ACTR3B: variants seen among roughly 807,000 people sequenced by gnomAD.
The protein encoded by ACTR3B is actin-related protein 3B.
ACTR3B carries 8 observed loss-of-function variants against 59.0 expected under a neutral mutation model. That is an observed-to-expected ratio of 0.14 (90% confidence interval 0.08 to 0.24). The LOEUF is 0.24. ACTR3B is among the 10% of genes least tolerant of loss of function. ACTR3B has a pLI of 1.00. For missense variants in ACTR3B, 245 were observed against 552.3 expected, an observed-to-expected ratio of 0.44 and a Z score of 5.58; for synonymous variants, 148 against 197.9, an observed-to-expected ratio of 0.75 and a Z score of 2.12.
At chr7:152,821,548 T>C (rs1320227121) in intron 7 of ACTR3B, among the ~76,000 whole-genome samples, 1 of 152,140 alleles carries the variant, frequency 6.6e-6, no homozygotes, top group Admixed American at 6.5e-5. Context: ...CCTCCCTATT[T>C]CCGCCAGGAT....
At chr7:152,818,952 T>G (rs1795933270) in intron 6 of ACTR3B, among the ~76,000 whole-genome samples, 1 of 152,246 alleles carries the variant, frequency 6.6e-6, no homozygotes, top group Non-Finnish European at 1.5e-5. Context: ...ACATAATTTA[T>G]TTTTCTGTTG....
intron 4 of ACTR3B, among the ~76,000 whole-genome samples, chr7:152,809,617 C>T (rs2098263374): frequency 6.6e-6 from 1 of 151,896 alleles, no homozygotes; most frequent in African/African-American, 2.4e-5. Flanking sequence ...TCTCAGCTCA[C>T]CGCAACCTCC....
chr7:152,822,510 A>G (rs1207938847), intron 7 of ACTR3B, among the ~76,000 whole-genome samples: 1 of 152,172 alleles, frequency 6.6e-6, no homozygotes, highest in Admixed American at 6.5e-5. Context: ...CTTCTCTCGC[A>G]GCAGCAGCAG....
rs1385625482 is a variant in ACTR3B at position 152,824,501 on chromosome 7, G to A, written c.859-529G>A. On this transcript the variant is annotated intron_variant, in intron 8 of 11. Coordinates refer to ENST00000256001, the MANE Select transcript of ACTR3B (RefSeq NM_020445.6). This position sits in a 1 kb window ranked among gnomAD's most constrained non-coding sequence, Gnocchi z 4.2. Reference sequence around the variant, plus strand: ...ATTTAACTTATGGAATTGAATCTATGGCTGTTTATTCAATAACATGATTAT... The same window carrying A: ...ATTTAACTTATGGAATTGAATCTATAGCTGTTTATTCAATAACATGATTAT... 6.6e-6 allele frequency among the ~76,000 whole-genome samples: 1 copy of A among 152,072 alleles called. No homozygotes were observed. Among genetic ancestry groups the A allele is most frequent in the African/African-American group, 2.4e-5 (1 of 41,418 alleles).
In ACTR3B at chr7:152,854,573, T is replaced by C; in HGVS notation, c.*20T>C. On this transcript the variant is annotated 3_prime_UTR_variant, in exon 12 of 12. Coordinates refer to ENST00000256001, the MANE Select transcript of ACTR3B (RefSeq NM_020445.6). The surrounding 1 kb of genome is among the most constrained non-coding windows in gnomAD (Gnocchi z 4.9). ...TCCTAGTGTCTGCCTGAACGCGTCGTTCGATGGTGTCACGTTGGGGAACAA... is the reference window on the plus strand; with the variant it reads ...TCCTAGTGTCTGCCTGAACGCGTCGCTCGATGGTGTCACGTTGGGGAACAA... 1 of 1,609,880 alleles carries C rather than the reference T, an allele frequency of 6.2e-7. No individual in the cohort carries two copies. Among genetic ancestry groups the C allele is most frequent in the Non-Finnish European group, 8.5e-7 (1 of 1,176,616 alleles).
rs1799090769 is a variant in ACTR3B, at chr7:152,854,397, C to G, written c.1162-61C>G. On this transcript the variant is annotated intron_variant, in intron 11 of 11. Coordinates refer to ENST00000256001, the MANE Select transcript of ACTR3B (RefSeq NM_020445.6). This position sits in a 1 kb window ranked among gnomAD's most constrained non-coding sequence, Gnocchi z 4.9. ...GGAGAGTGTCTTGCCTGCTTGGTAGCTGGTTCCCTTGACTTTCTTCTGAAA... is the reference window on the plus strand; with the variant it reads ...GGAGAGTGTCTTGCCTGCTTGGTAGGTGGTTCCCTTGACTTTCTTCTGAAA... The G allele has an allele frequency of 6.7e-7, 1 of 1,492,954 alleles. No homozygotes were observed. Among genetic ancestry groups the G allele is most frequent in the Non-Finnish European group, 9.3e-7 (1 of 1,070,630 alleles). The allele number at this position is 1,492,954 out of a possible 1,614,324, so 92.5% of individuals were successfully genotyped here.
At chr7:152,822,839 G>A (rs1468960065) in intron 7 of ACTR3B, among the ~76,000 whole-genome samples, 5 of 152,244 alleles carry the variant, frequency 3.3e-5, no homozygotes, top group Admixed American at 3.3e-4. Flanking sequence ...CAACCAGCAG[G>A]TTGACAGTGG....
At chr7:152,777,361 G>A (rs2098138595) in intron 1 of ACTR3B, among the ~76,000 whole-genome samples, 1 of 152,106 alleles carries the variant, frequency 6.6e-6, no homozygotes, top group South Asian at 2.1e-4. Context: ...TAAGATTAAG[G>A]CATGTCTCTG....
At chr7:152,851,982 A>T in intron 9 of ACTR3B, 144 bp from the exon 10 acceptor site, 1 of 1,062,080 alleles carries the variant, frequency 9.4e-7, no homozygotes, top group Non-Finnish European at 1.4e-6. Context: ...CAATAGCATT[A>T]AGTTTGCTTT....
intron 9 of ACTR3B, among the ~76,000 whole-genome samples, chr7:152,830,866 G>T (rs1302823570): frequency 3.9e-5 from 6 of 152,154 alleles, no homozygotes; most frequent in South Asian, 2.1e-4. Context: ...AATTTTTAAT[G>T]TTTAAGAGTA....
Position 152,827,552 on chromosome 7 carries a change from C to A in ACTR3B, c.951+2430C>A, listed in dbSNP as rs1796673139. Among the ~76,000 whole-genome samples the A allele has an allele frequency of 2.0e-5, 3 of 151,450 alleles. 1 individual carries two copies. The highest frequency in any genetic ancestry group is 1.3e-4 in the Admixed American group (2 of 15,230). ...AGTGTTCAGCAGCAAAGGTTTATTT[C>A]TTTGCACGTGGTTCACGTCTGGTGT... On this transcript the variant is annotated intron_variant, in intron 9 of 11. Coordinates refer to ENST00000256001, the MANE Select transcript of ACTR3B (RefSeq NM_020445.6).
At chr7:152,835,875 T>C (rs1275575672) in intron 9 of ACTR3B, among the ~76,000 whole-genome samples, 1 of 151,950 alleles carries the variant, frequency 6.6e-6, no homozygotes, top group East Asian at 1.9e-4. Flanking sequence ...ATATGTCAGA[T>C]TCATTGCTGA....
intron 4 of ACTR3B, among the ~76,000 whole-genome samples, chr7:152,809,658 C>T (rs1360393792): frequency 6.6e-6 from 1 of 151,904 alleles, no homozygotes; most frequent in Non-Finnish European, 1.5e-5. Context: ...TCCCCTGCCT[C>T]AAGCCTCCTG....
Position 152,803,248 on chromosome 7 carries a change from A to G in ACTR3B, c.336+1517A>G, listed in dbSNP as rs111407769. Among the ~76,000 whole-genome samples, 428 of 152,146 alleles carry G rather than the reference A, an allele frequency of 2.8e-3. 3 individuals carry two copies. Among genetic ancestry groups the G allele is most frequent in the African/African-American group, 9.8e-3 (408 of 41,498 alleles). On this transcript the variant is annotated intron_variant, in intron 4 of 11. Transcript: ENST00000256001. ...TTTTTTGTGGAGATGGGGTCTTGCT[A>G]TGTTGTCCAAGCTGGCCTCAAACTC...
chr7:152,843,182 T>C (rs1005855140), intron 9 of ACTR3B, among the ~76,000 whole-genome samples: 1 of 152,210 alleles, frequency 6.6e-6, no homozygotes, highest in Admixed American at 6.5e-5. Flanking sequence ...AGAACAGAAA[T>C]GTATGGAAGC....
At chr7:152,791,151 C>G (rs2098194703) in intron 2 of ACTR3B, among the ~76,000 whole-genome samples, 1 of 151,868 alleles carries the variant, frequency 6.6e-6, no homozygotes, top group South Asian at 2.1e-4. Flanking sequence ...GCTGGGATTA[C>G]TGACGTGTGC....
chr7:152,769,225 G>C (rs2098118494), intron 1 of ACTR3B, among the ~76,000 whole-genome samples: 1 of 152,148 alleles, frequency 6.6e-6, no homozygotes, highest in South Asian at 2.1e-4. Context: ...CCTATTGTTA[G>C]TAACCTATTA....
At chr7:152,853,728 T>C (rs1799030428) in intron 11 of ACTR3B, 151 bp downstream of exon 11, 3 of 698,514 alleles carry the variant, frequency 4.3e-6, no homozygotes, top group Non-Finnish European at 6.9e-6. Context: ...ATCTTTTTTG[T>C]TTTTTCGAGA....
At chr7:152,813,614 C>T (rs1255671718) in intron 4 of ACTR3B, 1 of 152,104 alleles carries the variant, frequency 6.6e-6, no homozygotes, top group Non-Finnish European at 1.5e-5. Context: ...TTCATGTAGC[C>T]TTCACCTCCG....
Sources: allele counts gnomAD v4.1 joint callset (sites outside exome capture counted in the v4.1 genomes callset), GRCh38; gene constraint gnomAD v4.1.1; non-coding constraint Gnocchi (gnomAD v3.1); transcripts MANE v1.5; gene names NCBI Gene and HGNC (gene_info 2026-07-23, HGNC 2026-07-21).